The following NRCAM variants were observed in gnomAD, a reference collection of about 807,000 sequenced individuals.
NRCAM encodes the protein NgCAM-related cell adhesion molecule.
NRCAM carries 83 observed loss-of-function variants against 156.5 expected under a neutral mutation model. The observed-to-expected ratio is 0.53, with a 90% CI of 0.44 to 0.64. The LOEUF is 0.64. NRCAM is among the 30% of genes least tolerant of loss of function. NRCAM has a pLI of 0.00. For missense variants in NRCAM, 1,417 were observed against 1,597.3 expected, an observed-to-expected ratio of 0.89 and a Z score of 1.92; for synonymous variants, 538 against 563.9, an observed-to-expected ratio of 0.95 and a Z score of 0.65.
chr7:108,401,336 T>G (rs2099792047), intron 1 of NRCAM, among the ~76,000 whole-genome samples: 1 of 151,810 alleles, frequency 6.6e-6, no homozygotes, highest in South Asian at 2.1e-4. Flanking sequence ...AGCCCAGGAG[T>G]TCCAGACTAG....
intron 3 of NRCAM, among the ~76,000 whole-genome samples, chr7:108,257,020 G>A (rs1396368660): frequency 4.6e-4 from 28 of 60,574 alleles, no homozygotes; most frequent in African/African-American, 8.6e-4. Flanking sequence ...AAAAAAAAAA[G>A]AAAAAGAAAA....
At chr7:108,150,231 A>G (rs1421327836) in intron 32 of NRCAM, 84 bp from the exon 33 acceptor site, 1 of 1,170,860 alleles carries the variant, frequency 8.5e-7, no homozygotes, top group Non-Finnish European at 1.2e-6. Context: ...GCAAATTATG[A>G]GAAAGCATTT....
At chr7:108,273,457 G>GTA (rs949613543) in intron 3 of NRCAM, among the ~76,000 whole-genome samples, 1 of 152,132 alleles carries the variant, frequency 6.6e-6, no homozygotes, top group Non-Finnish European at 1.5e-5. Flanking sequence ...GTGTGAGATG[G>GTA]TATCTCATTG....
chr7:108,432,893 A>C (rs1827262938), intron 1 of NRCAM, among the ~76,000 whole-genome samples: 1 of 151,904 alleles, frequency 6.6e-6, no homozygotes, highest in Non-Finnish European at 1.5e-5. Flanking sequence ...ACTCTGAAAA[A>C]AGAAAGAGAG....
In NRCAM at chr7:108,211,312, G is replaced by T. The variant is rs568027254; in HGVS notation, c.891-1707C>A. ...TTCAGGAGGGCAGCCAGAGGTGTGG[G>T]GAAAATGCCACAGGGAGAAGGAAGT... On this transcript the variant is annotated intron_variant, in intron 11 of 32. Coordinates refer to ENST00000379028, the MANE Select transcript of NRCAM (RefSeq NM_001037132.4). Among the ~76,000 whole-genome samples, 14 of 152,200 alleles carry T rather than the reference G, an allele frequency of 9.2e-5. No homozygotes were observed. In the East Asian group the frequency reaches 2.5e-3, roughly 27 times the overall value.
intron 3 of NRCAM, among the ~76,000 whole-genome samples, chr7:108,249,572 C>T (rs748480515): frequency 3.3e-5 from 5 of 152,154 alleles, no homozygotes; most frequent in Non-Finnish European, 5.9e-5. Context: ...AGGTTTACTC[C>T]AAAGAGCATC....
At chr7:108,373,955 G>C (rs1411551139) in intron 2 of NRCAM, among the ~76,000 whole-genome samples, 1 of 152,098 alleles carries the variant, frequency 6.6e-6, no homozygotes, top group Non-Finnish European at 1.5e-5. Flanking sequence ...CATCAATAGA[G>C]AGTACAAAAC....
At chr7:108,350,220 G>T (rs2099401767) in intron 2 of NRCAM, among the ~76,000 whole-genome samples, 1 of 152,006 alleles carries the variant, frequency 6.6e-6, no homozygotes, top group South Asian at 2.1e-4. Flanking sequence ...CCTTACTCTG[G>T]TGTTTATTTA....
At chr7:108,369,797 G>C (rs957523498) in intron 2 of NRCAM, among the ~76,000 whole-genome samples, 5 of 152,000 alleles carry the variant, frequency 3.3e-5, no homozygotes, top group African/African-American at 1.2e-4. Flanking sequence ...TTAACATATA[G>C]ACTCATACTA....
chr7:108,197,982 A>G lies in NRCAM; in HGVS notation c.1325T>C (p.Leu442Pro). Residue 442 changes from leucine (L) to proline (P), a missense_variant, in exon 14 of 33, where the codon CTG becomes CCG. Physicochemically the swap from Leu to Pro is moderately conservative, Grantham distance 98. Around this residue, in one of 2 missense-constraint regions of NRCAM, gnomAD observed 1,238 missense variants for 1,336.4 expected, o/e 0.93. Transcript: ENST00000379028. ...CNASNEYGYL[L>P]ANAFVNVLAE... ...CAGCACATTTACAAATGCGTTTGCC[A>G]GTAAATATCCATATTCATTAGAGGC... The G allele has an allele frequency of 6.3e-7, 1 of 1,579,622 alleles. No individual in the cohort carries two copies. The highest frequency in any genetic ancestry group is 8.6e-7 in the Non-Finnish European group (1 of 1,165,966).
chr7:108,317,032 T>C (rs2098935011), intron 2 of NRCAM, among the ~76,000 whole-genome samples: 2 of 152,174 alleles, frequency 1.3e-5, no homozygotes, highest in Admixed American at 6.5e-5. Context: ...ACGCCTCCTA[T>C]CTCTCCATTT....
intron 3 of NRCAM, among the ~76,000 whole-genome samples, chr7:108,277,584 A>G (rs1470620345): frequency 1.3e-5 from 2 of 151,930 alleles, no homozygotes; most frequent in Non-Finnish European, 2.9e-5. Flanking sequence ...TTTCAGCTCC[A>G]TCAGGTCATT....
At chr7:108,188,240 T>G (rs2068478198) in intron 20 of NRCAM, among the ~76,000 whole-genome samples, 1 of 152,098 alleles carries the variant, frequency 6.6e-6, no homozygotes, top group Admixed American at 6.5e-5. Context: ...ACCTTTGCTG[T>G]GCCCAGTCAC....
chr7:108,372,242 G>GA (rs1203315779), intron 2 of NRCAM, among the ~76,000 whole-genome samples: 1 of 151,978 alleles, frequency 6.6e-6, no homozygotes, highest in Non-Finnish European at 1.5e-5. Context: ...GGTAAGCCCT[G>GA]AAACTGTAAC....
At chr7:108,323,214 G>C (rs754191649) in intron 2 of NRCAM, among the ~76,000 whole-genome samples, 8 of 152,150 alleles carry the variant, frequency 5.3e-5, no homozygotes, top group Non-Finnish European at 1.0e-4. Context: ...TGTGAATGAA[G>C]TTTGCATTTT....
chr7:108,307,513 A>G lies in NRCAM; in HGVS notation c.-107+5152T>C, dbSNP rs557369051. Among the ~76,000 whole-genome samples the G allele has an allele frequency of 6.6e-5, 10 of 152,342 alleles. 1 individual carries two copies. The South Asian group carries it at 1.0e-3, about 16-fold the overall frequency. Reference sequence around the variant, plus strand: ...GTAGTTTATGAACTTGCTTTCTGCAACAGTCAACCAGAAACAAAGAATCTT... The same window carrying G: ...GTAGTTTATGAACTTGCTTTCTGCAGCAGTCAACCAGAAACAAAGAATCTT... On this transcript the variant is annotated intron_variant, in intron 3 of 32. Transcript: ENST00000379028.
At chr7:108,310,613 A>G (rs373682519) in intron 3 of NRCAM, among the ~76,000 whole-genome samples, 1 of 152,204 alleles carries the variant, frequency 6.6e-6, no homozygotes, top group African/African-American at 2.4e-5. Flanking sequence ...CTACGAAAAA[A>G]ACTTATTTAT....
intron 25 of NRCAM, among the ~76,000 whole-genome samples, chr7:108,179,133 C>G (rs1457090020): frequency 6.6e-6 from 1 of 152,164 alleles, no homozygotes; most frequent in Non-Finnish European, 1.5e-5. Flanking sequence ...AATCTGATGA[C>G]AGCCATAAAC....
intron 1 of NRCAM, among the ~76,000 whole-genome samples, chr7:108,438,762 G>A (rs1048298918): frequency 1.3e-5 from 2 of 152,050 alleles, no homozygotes; most frequent in African/African-American, 4.8e-5. Flanking sequence ...CATTTTTAAA[G>A]ACTACTAGAA....
Sources: allele counts gnomAD v4.1 joint callset (sites outside exome capture counted in the v4.1 genomes callset), GRCh38; gene constraint gnomAD v4.1.1; regional missense constraint gnomAD v4.1.1; transcripts MANE v1.5; gene names NCBI Gene and HGNC (gene_info 2026-07-23, HGNC 2026-07-21).